Variants in KCNG2 observed in about 807,000 individuals in gnomAD.
The protein encoded by KCNG2 is potassium voltage-gated channel modifier subfamily G member 2, also known as voltage-gated potassium channel regulatory subunit KCNG2.
Under a neutral mutation model 12.3 loss-of-function variants are expected in KCNG2, and 7 were observed. That is an observed-to-expected ratio of 0.57 (90% CI 0.32 to 1.07). The LOEUF is 1.07. Ranked by LOEUF, KCNG2 falls within the 50% of genes least tolerant of loss-of-function variation. KCNG2 has a pLI of 0.04. For synonymous variants in KCNG2, 414 were observed against 351.4 expected, an observed-to-expected ratio of 1.18 and a Z score of -1.99; for missense variants, 703 against 726.0, an observed-to-expected ratio of 0.97 and a Z score of 0.36.
intron 1 of KCNG2, among the ~76,000 whole-genome samples, chr18:79,818,592 A>G (rs552506596): frequency 6.6e-6 from 1 of 152,374 alleles, no homozygotes; most frequent in Admixed American, 6.5e-5. Flanking sequence ...CCAGCCCATC[A>G]GTCGGGTCAC....
In KCNG2 at chr18:79,866,912, G is replaced by A. The variant is rs368061559; in HGVS notation, c.624+2621G>A. On this transcript the variant is annotated intron_variant, in intron 3 of 3. Coordinates refer to ENST00000316249, the MANE Select transcript of KCNG2 (RefSeq NM_012283.2). ...CCGTGTGCTGAGAGGTCTGTTTTCCGAGAGGTCTGGGTGCTGAGGTCTGGG... is the reference window on the plus strand; with the variant it reads ...CCGTGTGCTGAGAGGTCTGTTTTCCAAGAGGTCTGGGTGCTGAGGTCTGGG... Among the ~76,000 whole-genome samples, 15 of 147,554 alleles carry A rather than the reference G, an allele frequency of 1.0e-4. No individual in the cohort carries two copies. The East Asian group carries it at 1.9e-3, about 19-fold the overall frequency.
rs1278662873 is a variant in KCNG2, at chr18:79,887,120, TGA to T, written c.625-11915_625-11914del. ...CCATAGGGACAGGGACATGGGGGCA[TGA>T]GAGATGCCTAGGGACACGGACAGGG... is the stretch of plus-strand genomic sequence containing the variant. On this transcript the variant is annotated intron_variant, in intron 3 of 3. Transcript: ENST00000316249. Among the ~76,000 whole-genome samples the T allele has an allele frequency of 2.9e-5, 4 of 138,796 alleles. 1 individual carries two copies. Among genetic ancestry groups the T allele is most frequent in the African/African-American group, 1.2e-4 (4 of 34,124 alleles). The allele number at this position is 138,796 out of a possible 152,430, so 91.1% of individuals were successfully genotyped here.
At chr18:79,851,746 T>C (rs2070131873) in intron 1 of KCNG2, among the ~76,000 whole-genome samples, 1 of 102,734 alleles carries the variant, frequency 9.7e-6, no homozygotes, top group Non-Finnish European at 2.1e-5. Flanking sequence ...TATGCCTGTG[T>C]GAATGTATGT....
At chr18:79,882,299 A>T (rs901459006) in intron 3 of KCNG2, among the ~76,000 whole-genome samples, 8 of 152,230 alleles carry the variant, frequency 5.3e-5, no homozygotes, top group Non-Finnish European at 1.0e-4. Flanking sequence ...ACTTCAGCCC[A>T]GGAGTTCACG....
At chr18:79,828,188 G>T (rs1476807724) in intron 1 of KCNG2, among the ~76,000 whole-genome samples, 1 of 152,174 alleles carries the variant, frequency 6.6e-6, no homozygotes. Context: ...GCCTCCCAAA[G>T]TACTGGGATT....
intron 1 of KCNG2, among the ~76,000 whole-genome samples, chr18:79,851,792 TTGTGTGAATG>T (rs1206173462): frequency 5.3e-5 from 8 of 151,600 alleles, no homozygotes; most frequent in African/African-American, 1.2e-4. Context: ...TGAATGTGCA[TTGTGTGAATG>T]TGTGTGAATG....
In KCNG2 at chr18:79,826,438, G is replaced by A. The variant is rs556245650; in HGVS notation, c.-115+28424G>A. On this transcript the variant is annotated intron_variant, in intron 1 of 3. Coordinates refer to ENST00000316249, the MANE Select transcript of KCNG2 (RefSeq NM_012283.2). The stretch of plus-strand genomic sequence containing the variant: ...CTGAGCGAGCAGCTCCTCACGGAAG[G>A]TTAGATTCGGCGCGTTACGTCATTA... Among the ~76,000 whole-genome samples the A allele has an allele frequency of 8.9e-4, 135 of 151,374 alleles. 1 individual carries two copies. The highest frequency in any genetic ancestry group is 1.6e-3 in the Non-Finnish European group (107 of 67,798).
intron 1 of KCNG2, among the ~76,000 whole-genome samples, chr18:79,855,671 G>A (rs1368813602): frequency 6.6e-6 from 1 of 151,846 alleles, no homozygotes; most frequent in East Asian, 1.9e-4. Context: ...TTTCCTTCCC[G>A]ATCACCCTCC....
chr18:79,864,568 A>G (rs1168735261), intron 3 of KCNG2, among the ~76,000 whole-genome samples: 2 of 152,252 alleles, frequency 1.3e-5, no homozygotes, highest in Non-Finnish European at 2.9e-5. Flanking sequence ...CATCCGGTCC[A>G]CAGGCCGCCG....
At chr18:79,830,134 G>GT (rs33962382) in intron 1 of KCNG2, among the ~76,000 whole-genome samples, 152,300 of 152,302 alleles carry the variant, frequency 1, 76,149 homozygotes, top group Middle Eastern at 1. Flanking sequence ...GATTCTGCAG[G>GT]TCCACGGAGC....
intron 3 of KCNG2, among the ~76,000 whole-genome samples, chr18:79,881,152 T>C (rs1319927118): frequency 2.0e-5 from 3 of 152,116 alleles, no homozygotes; most frequent in Admixed American, 6.5e-5. Flanking sequence ...AGCAAGAGAA[T>C]AGAACTGCAT....
chr18:79,812,976 T>G (rs1461154043), intron 1 of KCNG2, among the ~76,000 whole-genome samples: 4 of 151,900 alleles, frequency 2.6e-5, no homozygotes, highest in African/African-American at 9.7e-5. Context: ...GCCAACATGG[T>G]GAAACCTCAT....
chr18:79,809,249 G>T (rs1373450702), intron 1 of KCNG2, among the ~76,000 whole-genome samples: 2 of 60,152 alleles, frequency 3.3e-5, no homozygotes, highest in Non-Finnish European at 3.1e-5. Context: ...CCACGTTATG[G>T]GCCCAGAGTC....
chr18:79,884,353 G>A lies in KCNG2; in HGVS notation c.625-14687G>A, dbSNP rs1249184832. Among the ~76,000 whole-genome samples, 2 of 152,090 alleles carry A rather than the reference G, an allele frequency of 1.3e-5. No individual in the cohort carries two copies. Among genetic ancestry groups the A allele is most frequent in the Admixed American group, 1.3e-4 (2 of 15,286 alleles). On this transcript the variant is annotated intron_variant, in intron 3 of 3. Coordinates refer to ENST00000316249, the MANE Select transcript of KCNG2 (RefSeq NM_012283.2). This position sits in a 1 kb window ranked among gnomAD's most constrained non-coding sequence, Gnocchi z 5.5. The stretch of plus-strand genomic sequence containing the variant: ...ACTCCCGTTCTCAGTCCTTCAAGGA[G>A]GCCCCCAGCTCTGCAGCCCCCACCA...
At chr18:79,875,349 G>A (rs375483689) in intron 3 of KCNG2, among the ~76,000 whole-genome samples, 1 of 151,800 alleles carries the variant, frequency 6.6e-6, no homozygotes, top group South Asian at 2.1e-4. Context: ...GGCGGCCCTG[G>A]GCGCTCCCCT....
intron 1 of KCNG2, among the ~76,000 whole-genome samples, chr18:79,811,562 A>G (rs1158049043): frequency 1.3e-5 from 2 of 152,224 alleles, no homozygotes. Flanking sequence ...TACAATAAAA[A>G]AAAGTCACTC....
At chr18:79,845,384 G>A (rs568177202) in intron 1 of KCNG2, among the ~76,000 whole-genome samples, 10 of 152,296 alleles carry the variant, frequency 6.6e-5, no homozygotes, top group African/African-American at 2.4e-4. Context: ...GCGTTCCACG[G>A]TTTTGGGGAG....
intron 1 of KCNG2, among the ~76,000 whole-genome samples, chr18:79,854,756 G>GCCCGCCTTGGCCT (rs1274930346): frequency 1.3e-5 from 2 of 152,068 alleles, no homozygotes; most frequent in African/African-American, 4.8e-5. Context: ...CACGTGATCC[G>GCCCGCCTTGGCCT]CCCGCCTTGG....
intron 3 of KCNG2, among the ~76,000 whole-genome samples, chr18:79,868,343 G>A (rs1003961525): frequency 2.0e-5 from 3 of 151,158 alleles, no homozygotes; most frequent in South Asian, 4.2e-4. Context: ...ACCCGTGTCC[G>A]AGCGTCCGGT....
Sources: gnomAD v4.1 joint callset for allele counts (sites outside exome capture counted in the v4.1 genomes callset) on GRCh38, gnomAD v4.1.1 for gene constraint, Gnocchi (gnomAD v3.1) non-coding constraint, MANE v1.5 for transcripts, NCBI Gene and HGNC (gene_info 2026-07-23, HGNC 2026-07-21) for gene names.